The following PGR variants were observed in gnomAD, a reference collection of about 807,000 sequenced individuals.
PGR encodes the protein progesterone receptor.
A neutral mutation model predicts 76.1 loss-of-function variants in PGR; 25 were observed. The ratio of observed to expected loss-of-function variants is 0.33; its 90% CI spans 0.24 to 0.46. The LOEUF is 0.46. Among genes scored for constraint, PGR ranks in the 20% least tolerant of loss-of-function variants. The pLI is 1.00. For missense variants in PGR, 1,172 were observed against 1,225.3 expected, an observed-to-expected ratio of 0.96 and a Z score of 0.65; for synonymous variants, 579 against 535.0, an observed-to-expected ratio of 1.08 and a Z score of -1.14.
chr11:101,070,543 C>T (rs1268997327), intron 3 of PGR, among the ~76,000 whole-genome samples: 1 of 152,186 alleles, frequency 6.6e-6, no homozygotes, highest in Admixed American at 6.5e-5. Context: ...AGATACCATC[C>T]CCACAGAGCC....
At chr11:101,053,555 T>C (rs1591374114) in intron 4 of PGR, among the ~76,000 whole-genome samples, 1 of 77,696 alleles carries the variant, frequency 1.3e-5, no homozygotes, top group African/African-American at 6.1e-5. Context: ...CTTTCTTCCC[T>C]CCCCTTCTCC....
At position 101,030,378 on chromosome 11, in the gene PGR, C is replaced by T. The variant is rs954110553; in HGVS notation, c.*8738G>A. The T allele has an allele frequency of 2.2e-5, 5 of 227,774 alleles. No homozygotes were observed. Among genetic ancestry groups the T allele is most frequent in the Middle Eastern group, 1.3e-3 (1 of 744 alleles). 14.1% of individuals were successfully genotyped at this position (227,774 alleles called of 1,614,324 possible). A position where few individuals can be genotyped will look rare whatever the true frequency, so the allele number is the denominator to read the frequency against. On this transcript the variant is annotated 3_prime_UTR_variant, in exon 8 of 8. Coordinates refer to ENST00000325455, the MANE Select transcript of PGR (RefSeq NM_000926.4). Reference sequence around the variant, plus strand: ...ATAGAAAATAAGTATGTGATGATATCGTTAAAATACATGATCACTTAATTT... The same window carrying T: ...ATAGAAAATAAGTATGTGATGATATTGTTAAAATACATGATCACTTAATTT...
At chr11:101,083,849 T>G (rs756134304) in intron 3 of PGR, among the ~76,000 whole-genome samples, 1 of 152,222 alleles carries the variant, frequency 6.6e-6, no homozygotes, top group African/African-American at 2.4e-5. Flanking sequence ...GACGAGACTT[T>G]GGTCTTGGAC....
intron 4 of PGR, among the ~76,000 whole-genome samples, chr11:101,060,615 C>T (rs935709265): frequency 2.6e-5 from 4 of 152,144 alleles, no homozygotes. Context: ...GTCACTCTAG[C>T]TCACTGACCA....
In PGR at chr11:101,033,496, A is replaced by G. The variant is rs1859414021; in HGVS notation, c.*5620T>C. 5.2e-6 allele frequency: 1 copy of G among 190,844 alleles called. No individual in the cohort carries two copies. Among genetic ancestry groups the G allele is most frequent in the African/African-American group, 2.3e-5 (1 of 43,058 alleles). 11.8% of individuals were successfully genotyped at this position (190,844 alleles called of 1,614,324 possible). ...TCCATTGACTAACTATTATTTAAAA[A>G]GCAATGACATTTTATACTATCAAGT... is the stretch of plus-strand genomic sequence containing the variant. On this transcript the variant is annotated 3_prime_UTR_variant, in exon 8 of 8. Coordinates refer to ENST00000325455, the MANE Select transcript of PGR (RefSeq NM_000926.4).
intron 1 of PGR, among the ~76,000 whole-genome samples, chr11:101,126,592 C>T (rs1862845392): frequency 6.6e-6 from 1 of 152,164 alleles, no homozygotes; most frequent in African/African-American, 2.4e-5. Flanking sequence ...GTTTTTAAAA[C>T]ACAACCCTGT....
chr11:101,123,989 T>C (rs938085547), intron 2 of PGR, among the ~76,000 whole-genome samples: 10 of 152,236 alleles, frequency 6.6e-5, no homozygotes, highest in African/African-American at 2.4e-4. Context: ...AAATAGCCAC[T>C]GTTATCCTCA....
Position 101,036,996 on chromosome 11 carries a change from A to G in PGR, c.*2120T>C, listed in dbSNP as rs1591362464. On this transcript the variant is annotated 3_prime_UTR_variant, in exon 8 of 8. Transcript: ENST00000325455. Reference sequence around the variant, plus strand: ...TGGGGTTTTTTTTGGATAGACCTACATTCATTTTCTTGTGTCACACAGTTC... The same window carrying G: ...TGGGGTTTTTTTTGGATAGACCTACGTTCATTTTCTTGTGTCACACAGTTC... The G allele has an allele frequency of 1.5e-5, 3 of 198,814 alleles. No individual in the cohort carries two copies. The highest frequency in any genetic ancestry group is 1.6e-4 in the East Asian group (2 of 12,796). The allele number at this position is 198,814 out of a possible 1,614,324, so 12.3% of individuals were successfully genotyped here.
chr11:101,087,737 CAA>C (rs36071780), intron 3 of PGR, among the ~76,000 whole-genome samples: 2 of 143,968 alleles, frequency 1.4e-5, no homozygotes. Context: ...GTTGAACAAG[CAA>C]AAAAAAAAAA....
chr11:101,059,502 G>A (rs191651383), intron 4 of PGR, among the ~76,000 whole-genome samples: 3 of 152,090 alleles, frequency 2.0e-5, no homozygotes, highest in South Asian at 2.1e-4. Context: ...GTTTATAAAC[G>A]TGCTGACATA....
chr11:101,042,770 A>G (rs985957875), intron 6 of PGR, among the ~76,000 whole-genome samples: 11 of 152,300 alleles, frequency 7.2e-5, no homozygotes, highest in African/African-American at 2.2e-4. Flanking sequence ...AGTGAATCAC[A>G]TGCATCTTTT....
chr11:101,031,562 A>C lies in PGR; in HGVS notation c.*7554T>G. 4.4e-6 allele frequency: 1 copy of C among 225,506 alleles called. No individual in the cohort carries two copies. Among genetic ancestry groups the C allele is most frequent in the East Asian group, 6.4e-5 (1 of 15,688 alleles). The allele number at this position is 225,506 out of a possible 1,614,324, so 14.0% of individuals were successfully genotyped here. A position where few individuals can be genotyped will look rare whatever the true frequency, so the allele number is the denominator to read the frequency against. ...GCTCCAAGGCTGTGGAGGGCTCATG[A>C]AGTCACAATGTTCTACTGAGAATTT... On this transcript the variant is annotated 3_prime_UTR_variant, in exon 8 of 8. Transcript: ENST00000325455.
intron 3 of PGR, among the ~76,000 whole-genome samples, chr11:101,073,517 TAA>T (rs956064491): frequency 2.1e-5 from 3 of 143,862 alleles, no homozygotes; most frequent in African/African-American, 5.1e-5. Flanking sequence ...GAAAAACCCT[TAA>T]AAAAAAAAAA....
chr11:101,109,421 C>CA (rs1359806879), intron 2 of PGR, among the ~76,000 whole-genome samples: 5 of 151,502 alleles, frequency 3.3e-5, no homozygotes, highest in African/African-American at 7.3e-5. Context: ...GATAAGAAAG[C>CA]AAAAAAACAA....
chr11:101,049,955 A>T lies in PGR; in HGVS notation c.2462T>A (p.Met821Lys). The T allele has an allele frequency of 6.2e-7, 1 of 1,612,238 alleles. No individual in the cohort carries two copies. The highest frequency in any genetic ancestry group is 8.5e-7 in the Non-Finnish European group (1 of 1,178,738). ...TGTATTAAGAAGTAACAATACTTTC[A>T]TACAGAGGAACTCTTCTTGGCTAAC... ...LQVSQEEFLCMKVLLLLNTIP... is the reference protein window; with the variant it reads ...LQVSQEEFLCKKVLLLLNTIP... The change falls in exon 6 of 8, where the codon ATG becomes AAG. Residue 821 changes from methionine to lysine, a missense_variant. Around this residue, in one of 4 missense-constraint regions of PGR, gnomAD observed 166 missense variants for 296.0 expected, o/e 0.56. Transcript: ENST00000325455.
chr11:101,039,713 C>A (rs186193172), intron 7 of PGR, among the ~76,000 whole-genome samples: 24 of 152,036 alleles, frequency 1.6e-4, no homozygotes, highest in African/African-American at 5.8e-4. Flanking sequence ...TAATTTTTAT[C>A]AAAGTAATTC....
chr11:101,083,315 A>G (rs1343015790), intron 3 of PGR, among the ~76,000 whole-genome samples: 1 of 152,248 alleles, frequency 6.6e-6, no homozygotes, highest in Admixed American at 6.5e-5. Flanking sequence ...GTCTGCTTCA[A>G]GCGCAGAGAC....
chr11:101,122,280 C>T (rs1029519731), intron 2 of PGR, among the ~76,000 whole-genome samples: 1 of 151,958 alleles, frequency 6.6e-6, no homozygotes. Flanking sequence ...TGATATTACA[C>T]CAAATGTATT....
In PGR at chr11:101,054,982, A is replaced by G. The variant is rs140834514; in HGVS notation, c.2213-3414T>C. 3.6e-3 allele frequency among the ~76,000 whole-genome samples: 554 copies of G among 152,306 alleles called. 6 individuals carry two copies. The highest frequency in any genetic ancestry group is 0.013 in the African/African-American group (526 of 41,566). On this transcript the variant is annotated intron_variant, in intron 4 of 7. Transcript: ENST00000325455. The stretch of plus-strand genomic sequence containing the variant: ...AGGCATTTTATATATTATAGAACAT[A>G]TAAGATAGAACTGAAGTATAAAAAA...
Sources: gnomAD v4.1 joint callset for allele counts (sites outside exome capture counted in the v4.1 genomes callset) on GRCh38, gnomAD v4.1.1 for gene constraint, gnomAD v4.1.1 regional missense constraint, MANE v1.5 for transcripts, NCBI Gene and HGNC (gene_info 2026-07-23, HGNC 2026-07-21) for gene names.